Variants in CYP2C19 observed in about 807,000 individuals in gnomAD.
CYP2C19 encodes the protein cytochrome P450 family 2 subfamily C member 19.
A neutral mutation model predicts 40.9 loss-of-function variants in CYP2C19; 59 were observed. The observed-to-expected ratio is 1.44, with a 90% CI of 1.17 to 1.79. The LOEUF (loss-of-function observed/expected upper bound fraction) is 1.79. CYP2C19 is among the 40% of genes most tolerant of loss of function. CYP2C19 has a pLI of 0.00. For synonymous variants in CYP2C19, 253 were observed against 208.7 expected (o/e 1.21, Z -1.83); for missense variants, 754 against 596.9 (o/e 1.26, Z -2.74).
chr10:94,840,935 G>A (rs563058501), intron 6 of CYP2C19, among the ~76,000 whole-genome samples: 72 of 152,364 alleles, frequency 4.7e-4, no homozygotes, highest in South Asian at 1.7e-3. Flanking sequence ...TTCTAAGGAA[G>A]GATAGGACAG....
chr10:94,855,032 G>A lies in CYP2C19; in HGVS notation c.*2118G>A, dbSNP rs1283556731. On this transcript the variant is annotated 3_prime_UTR_variant, in exon 9 of 9. Coordinates refer to ENST00000371321, the MANE Select transcript of CYP2C19 (RefSeq NM_000769.4). ...TCTAGTCTGTTTCCTCCTGGAGACT[G>A]TAGTGGATAATCTGTTTTCCTGCCT... Among the ~76,000 whole-genome samples, 1 of 152,196 alleles carries A rather than the reference G, an allele frequency of 6.6e-6. No individual in the cohort carries two copies. The highest frequency in any genetic ancestry group is 1.5e-5 in the Non-Finnish European group (1 of 68,032).
intron 5 of CYP2C19, among the ~76,000 whole-genome samples, chr10:94,800,379 C>T (rs1312368636): frequency 5.3e-5 from 8 of 152,186 alleles, no homozygotes; most frequent in African/African-American, 1.7e-4. Context: ...TTGCTGCCTG[C>T]TCCTTTCTCT....
intron 6 of CYP2C19, among the ~76,000 whole-genome samples, chr10:94,829,768 T>A (rs1007986623): frequency 1.3e-5 from 2 of 151,698 alleles, no homozygotes; most frequent in African/African-American, 4.8e-5. Flanking sequence ...GTTCTGTTTT[T>A]TCCCCATCTT....
rs1589376426 is a variant in CYP2C19 at position 94,842,419 on chromosome 10, A to G, written c.962-418A>G. On this transcript the variant is annotated intron_variant, in intron 6 of 8. Transcript: ENST00000371321. The stretch of plus-strand genomic sequence containing the variant: ...TTTTTTTTTTTTTTTTTTTTAGGCA[A>G]CAGATTAATAGGTCTTGTTTCTTCA... 2.2e-5 allele frequency among the ~76,000 whole-genome samples: 3 copies of G among 136,748 alleles called. No individual in the cohort carries two copies. In the Admixed American group the frequency reaches 2.2e-4, roughly 10 times the overall value. The allele number at this position is 136,748 out of a possible 152,430, so 89.7% of individuals were successfully genotyped here. A position where few individuals can be genotyped will look rare whatever the true frequency, so the allele number is the denominator to read the frequency against.
intron 5 of CYP2C19, among the ~76,000 whole-genome samples, chr10:94,810,386 G>A (rs1185199536): frequency 1.3e-5 from 2 of 152,090 alleles, no homozygotes; most frequent in African/African-American, 4.8e-5. Context: ...GTATCAGGAT[G>A]ATTCTTCCCT....
intron 5 of CYP2C19, among the ~76,000 whole-genome samples, chr10:94,797,967 AG>A (rs1848711629): frequency 6.6e-6 from 1 of 151,828 alleles, no homozygotes; most frequent in Admixed American, 6.6e-5. Context: ...ATTTTTTTAA[AG>A]GGTTTTTTGT....
At chr10:94,835,067 G>A (rs944204578) in intron 6 of CYP2C19, among the ~76,000 whole-genome samples, 1 of 152,154 alleles carries the variant, frequency 6.6e-6, no homozygotes, top group Non-Finnish European at 1.5e-5. Context: ...TGGTCCAAGG[G>A]TCTGCAGTAG....
intron 5 of CYP2C19, among the ~76,000 whole-genome samples, chr10:94,806,446 A>G (rs1015998009): frequency 2.0e-5 from 3 of 151,888 alleles, no homozygotes; most frequent in African/African-American, 7.3e-5. Context: ...GATATGTGGT[A>G]ATTCTATTTC....
intron 6 of CYP2C19, among the ~76,000 whole-genome samples, chr10:94,829,026 G>A (rs1849280924): frequency 6.6e-6 from 1 of 152,188 alleles, no homozygotes; most frequent in Non-Finnish European, 1.5e-5. Context: ...TTTCTGCCGA[G>A]AGATCTGCTG....
Position 94,834,118 on chromosome 10 carries a change from G to A in CYP2C19, c.962-8719G>A, listed in dbSNP as rs552598433. Among the ~76,000 whole-genome samples the A allele has an allele frequency of 7.2e-5, 11 of 152,254 alleles. No individual in the cohort carries two copies. The South Asian group carries it at 1.7e-3, about 23-fold the overall frequency. On this transcript the variant is annotated intron_variant, in intron 6 of 8. Transcript: ENST00000371321. ...ATGTTTGGTAAAATTCAGCAGTGAAGCCATCAAGTCTTGGGGTTTTCCTTA... is the reference window on the plus strand; with the variant it reads ...ATGTTTGGTAAAATTCAGCAGTGAAACCATCAAGTCTTGGGGTTTTCCTTA...
chr10:94,822,898 T>C (rs895995204), intron 6 of CYP2C19, among the ~76,000 whole-genome samples: 1 of 152,140 alleles, frequency 6.6e-6, no homozygotes, highest in Non-Finnish European at 1.5e-5. Context: ...TGTCTGTTCA[T>C]GTCCTTTCAC....
chr10:94,788,204 ACT>A, intron 5 of CYP2C19, among the ~76,000 whole-genome samples: 3 of 151,814 alleles, frequency 2.0e-5, no homozygotes, highest in Middle Eastern at 6.8e-3. Context: ...TACAAATGGT[ACT>A]GAGTTTTGTA....
chr10:94,773,195 A>G (rs1848359956), intron 1 of CYP2C19, among the ~76,000 whole-genome samples: 1 of 152,306 alleles, frequency 6.6e-6, no homozygotes, highest in East Asian at 1.9e-4. Flanking sequence ...GCTTGGCAAT[A>G]GGCAAAAGTC....
At chr10:94,849,887 G>A (rs778189622) in intron 7 of CYP2C19, 30 bp from the exon 8 acceptor site, 7 of 1,612,994 alleles carry the variant, frequency 4.3e-6, no homozygotes, top group Admixed American at 3.3e-5. Context: ...CTTCTTTACA[G>A]CTCAGTTCAC....
intron 1 of CYP2C19, among the ~76,000 whole-genome samples, chr10:94,770,464 C>T (rs1315376677): frequency 2.6e-5 from 4 of 152,126 alleles, no homozygotes; most frequent in African/African-American, 9.6e-5. Context: ...AGGCTGTGAC[C>T]TTTCTCTGAT....
At chr10:94,801,385 C>G (rs1848763392) in intron 5 of CYP2C19, among the ~76,000 whole-genome samples, 2 of 152,166 alleles carry the variant, frequency 1.3e-5, no homozygotes, top group African/African-American at 4.8e-5. Flanking sequence ...TGTTCAGTTA[C>G]CATGTCATCA....
rs17880188 is a variant in CYP2C19, at chr10:94,850,180, G to C, written c.1291+122G>C. Reference sequence around the variant, plus strand: ...CTCTTTGTACATGATCAAGAGCACTGTTCTGAATGCCTGTGTTTTCTCCGC... The same window carrying C: ...CTCTTTGTACATGATCAAGAGCACTCTTCTGAATGCCTGTGTTTTCTCCGC... On this transcript the variant is annotated intron_variant, in intron 8 of 8. Coordinates refer to ENST00000371321, the MANE Select transcript of CYP2C19 (RefSeq NM_000769.4). 5,948 of 1,165,070 alleles carry C rather than the reference G, an allele frequency of 5.1e-3. 177 individuals carry two copies. In the African/African-American group the frequency reaches 0.073, roughly 14 times the overall value. The allele number at this position is 1,165,070 out of a possible 1,614,324, so 72.2% of individuals were successfully genotyped here.
intron 6 of CYP2C19, among the ~76,000 whole-genome samples, chr10:94,831,867 G>A (rs1473150507): frequency 6.6e-6 from 1 of 152,044 alleles, no homozygotes; most frequent in Non-Finnish European, 1.5e-5. Context: ...TCTTCCCTTT[G>A]TTGATTGTAT....
At chr10:94,784,889 T>C (rs1439647864) in intron 5 of CYP2C19, among the ~76,000 whole-genome samples, 3 of 152,078 alleles carry the variant, frequency 2.0e-5, no homozygotes, top group Non-Finnish European at 2.9e-5. Context: ...CATGCCCAGC[T>C]CTCATTGTGG....
Sources: allele counts gnomAD v4.1 joint callset (sites outside exome capture counted in the v4.1 genomes callset), GRCh38; gene constraint gnomAD v4.1.1; transcripts MANE v1.5; gene names NCBI Gene and HGNC (gene_info 2026-07-23, HGNC 2026-07-21).